Variants in RPRD1A observed in about 807,000 individuals in gnomAD.
RPRD1A encodes regulation of nuclear pre-mRNA domain containing 1A.
A neutral mutation model predicts 37.8 loss-of-function variants in RPRD1A; 9 were observed. That is an observed-to-expected ratio of 0.24 (90% CI 0.14 to 0.42). The LOEUF (loss-of-function observed/expected upper bound fraction) is 0.42. Ranked by LOEUF, RPRD1A falls within the 10% of genes least tolerant of loss-of-function variation. The pLI, the probability that RPRD1A is intolerant of heterozygous loss-of-function variation, is 1.00. For missense variants in RPRD1A, 255 were observed against 371.0 expected (o/e 0.69, Z 2.57); for synonymous variants, 138 against 139.7 (o/e 0.99, Z 0.08).
chr18:36,027,045 A>G lies in RPRD1A; in HGVS notation c.644T>C (p.Met215Thr). Residue 215 changes from methionine to threonine, a missense_variant, in exon 6 of 7, where the codon ATG (methionine) becomes ACG (threonine). Around this residue, in one of 2 missense-constraint regions of RPRD1A, gnomAD observed 211 missense variants for 268.9 expected, o/e 0.78. Transcript: ENST00000399022. ...CAGCAACATACACGCATCCTCTACC[A>G]TTTTGGAAAGCCTTTCTCCAGATTC... ...DKESGERLSK[M>T]VEDACMLLAD... is the part of the protein sequence containing the mutation. 6.2e-7 allele frequency: 1 copy of G among 1,614,002 alleles called. No individual in the cohort carries two copies. The highest frequency in any genetic ancestry group is 8.5e-7 in the Non-Finnish European group (1 of 1,179,878).
At position 36,067,448 on chromosome 18, in the gene RPRD1A, G is replaced by C. The variant is rs748804081; in HGVS notation, c.-44C>G. The C allele has an allele frequency of 8.9e-6, 14 of 1,571,586 alleles. No individual in the cohort carries two copies. The Admixed American group carries it at 1.3e-4, about 14-fold the overall frequency. ...ACGCCGTCCCACGCGGTGGGGCCGA[G>C]GGGAGGAGAGTTTCGCCGCCCTAGC... is the stretch of plus-strand genomic sequence containing the variant. On this transcript the variant is annotated 5_prime_UTR_variant, in exon 1 of 7. Coordinates refer to ENST00000399022, the MANE Select transcript of RPRD1A (RefSeq NM_018170.5).
intron 6 of RPRD1A, among the ~76,000 whole-genome samples, chr18:35,995,889 C>A (rs1333666017): frequency 2.6e-5 from 4 of 152,192 alleles, no homozygotes; most frequent in Non-Finnish European, 5.9e-5. Context: ...AAACATATGA[C>A]TCCACTTTAG....
At chr18:36,046,590 G>A (rs923168558) in intron 1 of RPRD1A, among the ~76,000 whole-genome samples, 10 of 152,058 alleles carry the variant, frequency 6.6e-5, no homozygotes, top group African/African-American at 2.4e-4. Flanking sequence ...AGCACTATAC[G>A]GAGGCCGGGG....
At chr18:36,060,206 C>T (rs544020900) in intron 1 of RPRD1A, among the ~76,000 whole-genome samples, 41 of 152,034 alleles carry the variant, frequency 2.7e-4, no homozygotes, top group East Asian at 3.9e-4. Flanking sequence ...CCAAGGTGGG[C>T]GGATCACGAG....
chr18:36,040,996 T>C, intron 1 of RPRD1A: 1 of 544,018 alleles, frequency 1.8e-6, no homozygotes, highest in East Asian at 3.2e-5. Flanking sequence ...AATTCCCCAT[T>C]AGAGTTTAAT....
At chr18:35,998,792 T>G (rs995287384) in intron 6 of RPRD1A, among the ~76,000 whole-genome samples, 6 of 152,198 alleles carry the variant, frequency 3.9e-5, no homozygotes, top group Non-Finnish European at 8.8e-5. Context: ...TCTGCGCTGT[T>G]TGGTTGTAAT....
intron 6 of RPRD1A, among the ~76,000 whole-genome samples, chr18:36,008,568 C>CATATATATATATATA: frequency 8.1e-5 from 1 of 12,308 alleles, no homozygotes. Flanking sequence ...ACAGCAAGAC[C>CATATATATATATATA]TTGTGTGTGT....
At chr18:36,024,572 AAT>A (rs772517152) in intron 6 of RPRD1A, among the ~76,000 whole-genome samples, 6 of 152,168 alleles carry the variant, frequency 3.9e-5, no homozygotes, top group African/African-American at 1.4e-4. Flanking sequence ...CACATGCTTT[AAT>A]AATGGCTTCC....
intron 1 of RPRD1A, among the ~76,000 whole-genome samples, chr18:36,041,811 AT>A (rs1912602418): frequency 6.6e-6 from 1 of 152,214 alleles, no homozygotes; most frequent in African/African-American, 2.4e-5. Context: ...TCTTCAATGG[AT>A]TCTATCTGTC....
intron 1 of RPRD1A, among the ~76,000 whole-genome samples, chr18:36,036,677 A>C (rs1034698136): frequency 2.6e-5 from 4 of 152,234 alleles, no homozygotes; most frequent in Non-Finnish European, 5.9e-5. Flanking sequence ...GTGTCCCTAT[A>C]CATACAGCAA....
chr18:36,032,724 C>A (rs1911885618), intron 2 of RPRD1A, among the ~76,000 whole-genome samples: 1 of 152,168 alleles, frequency 6.6e-6, no homozygotes, highest in East Asian at 1.9e-4. Context: ...TTAAAGGTAA[C>A]ATAATTTCTT....
chr18:36,040,916 A>C, intron 1 of RPRD1A: 2 of 1,083,616 alleles, frequency 1.8e-6, no homozygotes, highest in East Asian at 2.7e-5. Context: ...TCTAGAATTA[A>C]ATAGTTCTTT....
intron 6 of RPRD1A, among the ~76,000 whole-genome samples, chr18:36,008,577 G>GTGTATATATATA: frequency 2.1e-5 from 1 of 47,802 alleles, no homozygotes; most frequent in African/African-American, 6.8e-5. Flanking sequence ...CCTTGTGTGT[G>GTGTATATATATA]TATATATATA....
intron 6 of RPRD1A, among the ~76,000 whole-genome samples, chr18:36,000,423 CCTTCT>C (rs1352524552): frequency 5.9e-5 from 9 of 152,244 alleles, no homozygotes; most frequent in South Asian, 2.1e-4. Context: ...TCCTTTAGTT[CCTTCT>C]CTTAAGAAAT....
Position 36,060,808 on chromosome 18 carries a change from A to C in RPRD1A, c.151+6446T>G, listed in dbSNP as rs139759984. Among the ~76,000 whole-genome samples, 3 of 152,278 alleles carry C rather than the reference A, an allele frequency of 2.0e-5. No homozygotes were observed. In the East Asian group the frequency reaches 5.8e-4, roughly 29 times the overall value. The stretch of plus-strand genomic sequence containing the variant: ...TAGGAGGAAAATCTAAACCTTAAAT[A>C]ATGTATTATTTTAATTGTTGCCAAC... On this transcript the variant is annotated intron_variant, in intron 1 of 6. Transcript: ENST00000399022.
At chr18:36,007,967 GC>G (rs755729470) in intron 6 of RPRD1A, among the ~76,000 whole-genome samples, 4 of 151,828 alleles carry the variant, frequency 2.6e-5, no homozygotes, top group Non-Finnish European at 5.9e-5. Context: ...AACTAAATTT[GC>G]CAGGAGCCAT....
At chr18:36,008,568 C>CA (rs1568117950) in intron 6 of RPRD1A, among the ~76,000 whole-genome samples, 3,612 of 11,280 alleles carry the variant, frequency 0.32, 191 homozygotes, top group Non-Finnish European at 0.34. Context: ...ACAGCAAGAC[C>CA]TTGTGTGTGT....
Position 36,020,300 on chromosome 18 carries a change from A to G in RPRD1A, c.789+6600T>C, listed in dbSNP as rs75177004. Among the ~76,000 whole-genome samples the G allele has an allele frequency of 6.0e-3, 920 of 152,304 alleles. 7 individuals are homozygous for G. The highest frequency in any genetic ancestry group is 0.02 in the African/African-American group (846 of 41,562). ...AAGATGGAAGATAAGAAGCTCAGCA[A>G]AAGAGTGTGCGCATCTAGGGACCCA... On this transcript the variant is annotated intron_variant, in intron 6 of 6. Transcript: ENST00000399022.
In RPRD1A at chr18:36,052,024, A is replaced by G. The variant is rs186577749; in HGVS notation, c.151+15230T>C. On this transcript the variant is annotated intron_variant, in intron 1 of 6. Coordinates refer to ENST00000399022, the MANE Select transcript of RPRD1A (RefSeq NM_018170.5). ...TAAACTCAAACCCACACTAAGACAC[A>G]TTATAATCAGTCAAAAACAAAGACA... Among the ~76,000 whole-genome samples, 209 of 152,268 alleles carry G rather than the reference A, an allele frequency of 1.4e-3. 2 individuals carry two copies. Among genetic ancestry groups the G allele is most frequent in the Non-Finnish European group, 5.7e-4 (39 of 68,022 alleles).
Sources: allele counts gnomAD v4.1 joint callset (sites outside exome capture counted in the v4.1 genomes callset), GRCh38; gene constraint gnomAD v4.1.1; regional missense constraint gnomAD v4.1.1; transcripts MANE v1.5; gene names NCBI Gene and HGNC (gene_info 2026-07-23, HGNC 2026-07-21).